Variants in MIGA2 observed in about 807,000 individuals in gnomAD.
MIGA2 encodes family with sequence similarity 73, member B.
MIGA2 carries 36 observed loss-of-function variants against 69.9 expected under a neutral mutation model. The ratio of observed to expected loss-of-function variants is 0.52; its 90% CI spans 0.39 to 0.68. MIGA2 has a LOEUF of 0.68. Among genes scored for constraint, MIGA2 ranks in the 30% least tolerant of loss-of-function variants. The pLI is 0.00. For missense variants in MIGA2, 660 were observed against 787.7 expected, an observed-to-expected ratio of 0.84 and a Z score of 1.94; for synonymous variants, 333 against 349.2, an observed-to-expected ratio of 0.95 and a Z score of 0.52.
intron 3 of MIGA2, among the ~76,000 whole-genome samples, chr9:129,046,148 C>G (rs529214518): frequency 6.6e-6 from 1 of 151,970 alleles, no homozygotes; most frequent in South Asian, 2.1e-4. Context: ...CCACTGCGCC[C>G]GGCCTAGAAT....
intron 4 of MIGA2, among the ~76,000 whole-genome samples, chr9:129,048,840 C>G (rs1261273963): frequency 1.3e-5 from 2 of 152,166 alleles, no homozygotes; most frequent in East Asian, 3.9e-4. Flanking sequence ...ACCAGGGACT[C>G]TGTCAGGCAC....
rs1368175705 is a variant in MIGA2 at position 129,060,748 on chromosome 9, T to C, written c.894+98T>C. 8.1e-6 allele frequency: 8 copies of C among 991,912 alleles called. No individual in the cohort carries two copies. The highest frequency in any genetic ancestry group is 1.2e-5 in the Non-Finnish European group (8 of 678,384). The allele number at this position is 991,912 out of a possible 1,614,324, so 61.4% of individuals were successfully genotyped here. ...ACTGGGTCATGGGAAAGTGGAGGCA[T>C]TTCCTCTGATGGGAGAATTTGGATG... On this transcript the variant is annotated intron_variant, in intron 8 of 15. Transcript: ENST00000684074. The surrounding 1 kb of genome is among the most constrained non-coding windows in gnomAD (Gnocchi z 4.8).
At chr9:129,042,828 C>T (rs1025527525) in intron 3 of MIGA2, among the ~76,000 whole-genome samples, 1 of 152,110 alleles carries the variant, frequency 6.6e-6, no homozygotes, top group Non-Finnish European at 1.5e-5. Flanking sequence ...GGATGTTCCC[C>T]AGGCTGAGGA....
chr9:129,060,636 T>G lies in MIGA2; in HGVS notation c.880T>G (p.Phe294Val). Residue 294 changes from phenylalanine to valine, a missense_variant, in exon 8 of 16, where the codon TTC becomes GTC. Physicochemically the swap from Phe to Val is conservative, Grantham distance 50. Coordinates refer to ENST00000684074, the MANE Select transcript of MIGA2 (RefSeq NM_001329990.2). This position sits in a 1 kb window ranked among gnomAD's most constrained non-coding sequence, Gnocchi z 4.8. ...CAGCCTGACTTCAGAGGATTCCTTCTTCTCCGCCACCGAGGTGACTCGGGG... is the reference window on the plus strand; with the variant it reads ...CAGCCTGACTTCAGAGGATTCCTTCGTCTCCGCCACCGAGGTGACTCGGGG... ...EDSLTSEDSF[F>V]SATELFESLQ... The G allele has an allele frequency of 9.4e-6, 15 of 1,597,016 alleles. No homozygotes were observed. Among genetic ancestry groups the G allele is most frequent in the Non-Finnish European group, 1.2e-5 (14 of 1,171,668 alleles).
Position 129,069,937 on chromosome 9 carries a change from A to G in MIGA2, c.1547A>G (p.Gln516Arg). 1 of 1,610,836 alleles carries G rather than the reference A, an allele frequency of 6.2e-7. No homozygotes were observed. Among genetic ancestry groups the G allele is most frequent in the Non-Finnish European group, 8.5e-7 (1 of 1,178,504 alleles). The part of the protein sequence containing the change: ...LAFGFLGPKP[Q>R]LAEVCAFFKH... The stretch of plus-strand genomic sequence containing the variant: ...TTCGGCTTCCTTGGACCCAAGCCTC[A>G]GCTTGCTGAAGTCTGTGCTTTCTTC... The change falls in exon 15 of 16, where the codon CAG (glutamine) becomes CGG (arginine). Residue 516 changes from glutamine to arginine, a missense_variant. Gln to Arg is a conservative substitution (Grantham distance 43, BLOSUM62 1). This residue lies in a region of MIGA2 where 220 missense variants were observed against 301.7 expected (regional missense o/e 0.73). Transcript: ENST00000684074. The surrounding 1 kb of genome is among the most constrained non-coding windows in gnomAD (Gnocchi z 4.9).
intron 3 of MIGA2, among the ~76,000 whole-genome samples, chr9:129,046,565 C>A (rs1473406224): frequency 1.3e-5 from 2 of 150,916 alleles, no homozygotes; most frequent in Non-Finnish European, 2.9e-5. Flanking sequence ...TCAAGCAGTT[C>A]TCATGCTTCA....
intron 3 of MIGA2, among the ~76,000 whole-genome samples, chr9:129,046,043 C>T (rs1845204622): frequency 6.6e-6 from 1 of 151,886 alleles, no homozygotes; most frequent in Non-Finnish European, 1.5e-5. Context: ...TTAGTAGAGA[C>T]AGGGTTTCAC....
Position 129,048,463 on chromosome 9 carries a change from A to G in MIGA2, c.344A>G (p.Lys115Arg). Residue 115 changes from lysine to arginine, a missense_variant, in exon 4 of 16, where the codon AAG becomes AGG. Lys to Arg is a conservative substitution (Grantham distance 26). Transcript: ENST00000684074. ...CGGAGAGTCCAGAGCCCCAGCAGCA[A>G]GAGCAACGACACCCTGAGTGGCATC... ...SSRRVQSPSS[K>R]SNDTLSGISS... 1 of 1,614,084 alleles carries G rather than the reference A, an allele frequency of 6.2e-7. No individual in the cohort carries two copies. Among genetic ancestry groups the G allele is most frequent in the East Asian group, 2.2e-5 (1 of 44,872 alleles).
Position 129,054,883 on chromosome 9 carries a change from T to C in MIGA2, c.676-4271T>C, listed in dbSNP as rs1194597958. 5.3e-5 allele frequency among the ~76,000 whole-genome samples: 8 copies of C among 152,276 alleles called. No individual in the cohort carries two copies. The East Asian group carries it at 1.3e-3, about 26-fold the overall frequency. ...TAGGAGTGAAATTGCGGGGATCACA[T>C]GATAATTCCATGTTTAACTTTTTTT... is the stretch of plus-strand genomic sequence containing the variant. On this transcript the variant is annotated intron_variant, in intron 6 of 15. Transcript: ENST00000684074.
At chr9:129,042,224 C>T (rs1844946250) in intron 2 of MIGA2, 80 bp from the exon 3 acceptor site, 3 of 1,428,600 alleles carry the variant, frequency 2.1e-6, no homozygotes, top group Admixed American at 3.6e-5. Flanking sequence ...TGTCCCGTCC[C>T]TGAGGTGCTC....
At chr9:129,039,456 A>T (rs560110055) in intron 1 of MIGA2, among the ~76,000 whole-genome samples, 30 of 152,164 alleles carry the variant, frequency 2.0e-4, no homozygotes, top group African/African-American at 7.0e-4. Flanking sequence ...TGTGTTAGCC[A>T]GGATGATCTT....
In MIGA2 at chr9:129,040,434, TG is replaced by T; in HGVS notation, c.-143-16del. The T allele has an allele frequency of 7.3e-7, 1 of 1,371,876 alleles. No individual in the cohort carries two copies. The highest frequency in any genetic ancestry group is 2.8e-5 in the East Asian group (1 of 35,778). The allele number at this position is 1,371,876 out of a possible 1,614,324, so 85.0% of individuals were successfully genotyped here. ...CGTGTGCACGTTCTCTTATCTGACTTGGTCATCTGTCTCTTAGCTCTGTGGA... is the reference window on the plus strand; with the variant it reads ...CGTGTGCACGTTCTCTTATCTGACTTGTCATCTGTCTCTTAGCTCTGTGGA... On this transcript the variant is annotated splice_polypyrimidine_tract_variant and intron_variant, in intron 1 of 15. Coordinates refer to ENST00000684074, the MANE Select transcript of MIGA2 (RefSeq NM_001329990.2).
At chr9:129,067,955 C>T (rs1846450049) in intron 12 of MIGA2, 84 bp downstream of exon 12, 1 of 1,461,776 alleles carries the variant, frequency 6.8e-7, no homozygotes, top group South Asian at 1.2e-5. Flanking sequence ...AGCTCTAGCT[C>T]AGTTCCAAGC....
chr9:129,054,300 A>G (rs1845689535), intron 6 of MIGA2, among the ~76,000 whole-genome samples: 1 of 151,934 alleles, frequency 6.6e-6, no homozygotes, highest in African/African-American at 2.4e-5. Context: ...CAAAAAATTA[A>G]AAAGTTAGTT....
chr9:129,050,067 C>T (rs1588384333), intron 6 of MIGA2, 104 bp downstream of exon 6: 1 of 1,425,582 alleles, frequency 7.0e-7, no homozygotes, highest in East Asian at 2.3e-5. Flanking sequence ...TCCTCTGAGA[C>T]TGCTGATTTC....
At chr9:129,044,238 C>T (rs1386468776) in intron 3 of MIGA2, among the ~76,000 whole-genome samples, 6 of 149,808 alleles carry the variant, frequency 4.0e-5, no homozygotes, top group Non-Finnish European at 5.9e-5. Flanking sequence ...GTGATCCACC[C>T]GCCTTGGCCT....
At chr9:129,067,974 CG>C in intron 12 of MIGA2, 103 bp downstream of exon 12, 1 of 1,375,518 alleles carries the variant, frequency 7.3e-7, no homozygotes, top group South Asian at 1.3e-5. Context: ...GCGGCTGAGA[CG>C]GTTCCATCAC....
In MIGA2 at chr9:129,069,870, C is replaced by G; in HGVS notation, c.1480C>G (p.His494Asp). ...GCAGGTGCCTGATGGCTTCATCTCC[C>G]ATTTCTACTCCGTATCGGAGCATGT... ...LLMVPDGFIS[H>D]FYSVSEHVSP... The change falls in exon 15 of 16, where the codon CAT (histidine) becomes GAT (aspartate). Residue 494 changes from histidine (H) to aspartate (D), a missense_variant. His to Asp is a moderately conservative substitution (Grantham distance 81, BLOSUM62 -1). This residue lies in a region of MIGA2 where 220 missense variants were observed against 301.7 expected (regional missense o/e 0.73). Coordinates refer to ENST00000684074, the MANE Select transcript of MIGA2 (RefSeq NM_001329990.2). The surrounding 1 kb of genome is among the most constrained non-coding windows in gnomAD (Gnocchi z 4.9). 6.2e-7 allele frequency: 1 copy of G among 1,613,918 alleles called. No individual in the cohort carries two copies. Among genetic ancestry groups the G allele is most frequent in the Non-Finnish European group, 8.5e-7 (1 of 1,179,982 alleles).
chr9:129,066,643 C>T lies in MIGA2; in HGVS notation c.1171-1130C>T, dbSNP rs190341505. On this transcript the variant is annotated intron_variant, in intron 11 of 15. Coordinates refer to ENST00000684074, the MANE Select transcript of MIGA2 (RefSeq NM_001329990.2). ...GAGCCAAGATCACGCCACTGCACTC[C>T]AGCCTGGGCGACCAAAAAAAAAAAA... is the stretch of plus-strand genomic sequence containing the variant. Among the ~76,000 whole-genome samples the T allele has an allele frequency of 2.6e-3, 321 of 125,140 alleles. 4 individuals are homozygous for T. The highest frequency in any genetic ancestry group is 9.7e-3 in the African/African-American group (304 of 31,338). 82.1% of individuals were successfully genotyped at this position (125,140 alleles called of 152,430 possible). A position where few individuals can be genotyped will look rare whatever the true frequency, so the allele number is the denominator to read the frequency against.
Sources: allele counts gnomAD v4.1 joint callset (sites outside exome capture counted in the v4.1 genomes callset), GRCh38; gene constraint gnomAD v4.1.1; regional missense constraint gnomAD v4.1.1; non-coding constraint Gnocchi (gnomAD v3.1); transcripts MANE v1.5; gene names NCBI Gene and HGNC (gene_info 2026-07-23, HGNC 2026-07-21).